The following TUSC3 variants were observed in gnomAD, a reference collection of about 807,000 sequenced individuals.
The protein encoded by TUSC3 is tumor suppressor candidate 3.
Under a neutral mutation model 44.8 loss-of-function variants are expected in TUSC3, and 45 were observed. The observed-to-expected ratio is 1.00, with a 90% CI of 0.79 to 1.29. The LOEUF is 1.29. TUSC3 is among the 50% of genes most tolerant of loss of function. The probability of loss-of-function intolerance (pLI) is 0.00; values close to 1 mark genes in which losing one functional copy is unlikely to be tolerated. For missense variants in TUSC3, 519 were observed against 437.9 expected, an observed-to-expected ratio of 1.19 and a Z score of -1.65; for synonymous variants, 212 against 152.9, an observed-to-expected ratio of 1.39 and a Z score of -2.85.
the TUSC3 span, among the ~76,000 whole-genome samples, chr8:15,844,548 T>C: frequency 6.6e-6 from 1 of 152,182 alleles, no homozygotes; most frequent in Non-Finnish European, 1.5e-5. Flanking sequence ...CACATGTCCA[T>C]AACTCAGATT....
At chr8:15,481,284 G>A (rs930776920) in intron 1 of TUSC3, among the ~76,000 whole-genome samples, 8 of 151,544 alleles carry the variant, frequency 5.3e-5, no homozygotes, top group Non-Finnish European at 1.2e-4. Context: ...GTCTTTAAGA[G>A]GTGATTAGGC....
At chr8:15,788,546 CAAAA>C in the TUSC3 span, among the ~76,000 whole-genome samples, 106 of 75,534 alleles carry the variant, frequency 1.4e-3, 1 homozygote, top group Non-Finnish European at 2.2e-3. Flanking sequence ...GACTCTATCT[CAAAA>C]AAAAAAAAAA....
chr8:15,423,299 G>T (rs1408902175), intron 1 of TUSC3, among the ~76,000 whole-genome samples: 7 of 151,974 alleles, frequency 4.6e-5, no homozygotes, highest in Non-Finnish European at 8.8e-5. Flanking sequence ...ATCCTTTTTT[G>T]AAGTGTCTTT....
At chr8:15,509,584 G>A (rs1801105304) in intron 2 of TUSC3, among the ~76,000 whole-genome samples, 1 of 151,974 alleles carries the variant, frequency 6.6e-6, no homozygotes, top group Non-Finnish European at 1.5e-5. Flanking sequence ...CTCAAACCTG[G>A]GAGACAGAGT....
intron 1 of TUSC3, among the ~76,000 whole-genome samples, chr8:15,462,978 T>A (rs1407324305): frequency 6.6e-6 from 1 of 152,058 alleles, no homozygotes; most frequent in African/African-American, 2.4e-5. Flanking sequence ...ATTTGGGCAA[T>A]GGCTTCAATT....
intron 2 of TUSC3, among the ~76,000 whole-genome samples, chr8:15,633,923 T>G (rs780872892): frequency 6.6e-6 from 1 of 152,132 alleles, no homozygotes; most frequent in African/African-American, 2.4e-5. Flanking sequence ...ATTCTCACCA[T>G]AAACAAAACA....
At chr8:15,791,145 T>C in the TUSC3 span, among the ~76,000 whole-genome samples, 1 of 152,168 alleles carries the variant, frequency 6.6e-6, no homozygotes, top group Non-Finnish European at 1.5e-5. Context: ...AGTTTATGGC[T>C]GAATTACCTT....
intron 5 of TUSC3, among the ~76,000 whole-genome samples, chr8:15,670,827 A>T (rs370992321): frequency 3.9e-5 from 6 of 152,002 alleles, no homozygotes; most frequent in African/African-American, 1.4e-4. Flanking sequence ...AATATAAAGA[A>T]TCTTGACAAA....
intron 7 of TUSC3, among the ~76,000 whole-genome samples, chr8:15,742,895 G>C (rs975770140): frequency 1.3e-5 from 2 of 152,126 alleles, no homozygotes; most frequent in African/African-American, 4.8e-5. Context: ...ATTCAACATA[G>C]CATGAATATA....
At chr8:15,818,320 G>C in the TUSC3 span, among the ~76,000 whole-genome samples, 3 of 152,130 alleles carry the variant, frequency 2.0e-5, no homozygotes, top group Non-Finnish European at 4.4e-5. Flanking sequence ...GACTTCAATA[G>C]AAATCCTTTT....
intron 3 of TUSC3, 44 bp from the exon 4 acceptor site, chr8:15,659,463 A>G (rs1392090683): frequency 3.8e-6 from 6 of 1,597,876 alleles, no homozygotes; most frequent in Non-Finnish European, 4.3e-6. Context: ...TGGATTAATG[A>G]TAAGATGATC....
the TUSC3 span, among the ~76,000 whole-genome samples, chr8:15,835,364 T>G: frequency 6.8e-6 from 1 of 146,858 alleles, no homozygotes. Flanking sequence ...AGGATTCAAC[T>G]GTTTTGCTGA....
rs1314222345 is a variant in TUSC3 at position 15,765,200 on chromosome 8, T to G, written c.*1044T>G. On this transcript the variant is annotated 3_prime_UTR_variant, in exon 11 of 11. Transcript: ENST00000503731. ...GTAAATTAGTCAGGAAATGTAAATT[T>G]TATCTGACTCATAGAACTAATGGAA... 2 of 152,048 alleles carry G rather than the reference T, an allele frequency of 1.3e-5. No individual in the cohort carries two copies. The highest frequency in any genetic ancestry group is 2.9e-5 in the Non-Finnish European group (2 of 67,946). 9.4% of individuals were successfully genotyped at this position (152,048 alleles called of 1,614,324 possible). A position where few individuals can be genotyped will look rare whatever the true frequency, so the allele number is the denominator to read the frequency against.
At chr8:15,787,088 A>C in the TUSC3 span, among the ~76,000 whole-genome samples, 2 of 152,012 alleles carry the variant, frequency 1.3e-5, no homozygotes, top group African/African-American at 4.8e-5. Context: ...CCACCCTACC[A>C]CACTGCTTCT....
chr8:15,518,536 G>T (rs993725542), intron 2 of TUSC3, among the ~76,000 whole-genome samples: 1 of 152,202 alleles, frequency 6.6e-6, no homozygotes, highest in East Asian at 1.9e-4. Flanking sequence ...GGTTGGATTA[G>T]TGTCTCAAGT....
At position 15,483,960 on chromosome 8, in the gene TUSC3, G is replaced by T. The variant is rs192395780; in HGVS notation, n.189+477G>T. ...GCGTGAGCCACCGCGCCTGGCCTGT[G>T]ATTTTTAACTATGTTGACTGGCCCT... On this transcript the variant is annotated intron_variant and non_coding_transcript_variant, in intron 2 of 5. Coordinates refer to the TUSC3 transcript ENST00000503191. 5.9e-5 allele frequency among the ~76,000 whole-genome samples: 9 copies of T among 152,150 alleles called. No homozygotes were observed. In the East Asian group the frequency reaches 1.5e-3, roughly 26 times the overall value.
chr8:15,518,972 A>C (rs565272814), intron 2 of TUSC3, among the ~76,000 whole-genome samples: 2 of 152,328 alleles, frequency 1.3e-5, no homozygotes, highest in Admixed American at 6.5e-5. Context: ...AAATCGAATC[A>C]ATATATTAAA....
chr8:15,654,171 T>C (rs1476056965), intron 3 of TUSC3, among the ~76,000 whole-genome samples: 1 of 152,220 alleles, frequency 6.6e-6, no homozygotes, highest in African/African-American at 2.4e-5. Context: ...GTATGGATTT[T>C]CCTATAGTTT....
intron 1 of TUSC3, among the ~76,000 whole-genome samples, chr8:15,461,167 ATG>A (rs1563257247): frequency 1.3e-5 from 2 of 152,000 alleles, no homozygotes; most frequent in Non-Finnish European, 2.9e-5. Context: ...TGAGCATGGG[ATG>A]TGTTTCCCTT....
Sources: gnomAD v4.1 joint callset for allele counts (sites outside exome capture counted in the v4.1 genomes callset) on GRCh38, gnomAD v4.1.1 for gene constraint, MANE v1.5 for transcripts, NCBI Gene and HGNC (gene_info 2026-07-23, HGNC 2026-07-21) for gene names.